Variants in EIF2AK3 observed in about 807,000 individuals in gnomAD.
EIF2AK3 encodes the protein eukaryotic translation initiation factor 2 alpha kinase 3.
A neutral mutation model predicts 113.5 loss-of-function variants in EIF2AK3; 50 were observed. The observed-to-expected ratio is 0.44, with a 90% CI of 0.35 to 0.56. The LOEUF is 0.56. Ranked by LOEUF, EIF2AK3 falls within the 20% of genes least tolerant of loss-of-function variation. EIF2AK3 has a pLI of 0.00. For missense variants in EIF2AK3, 1,185 were observed against 1,378.0 expected (o/e 0.86, Z 2.22); for synonymous variants, 448 against 495.4 (o/e 0.90, Z 1.27).
chr2:88,593,041 C>T (rs993565805), intron 4 of EIF2AK3, among the ~76,000 whole-genome samples: 2 of 152,030 alleles, frequency 1.3e-5, no homozygotes, highest in Non-Finnish European at 2.9e-5. Flanking sequence ...ACTCGGGAGG[C>T]AGAGGCAGGA....
chr2:88,563,357 GACC>G (rs1355408257), intron 14 of EIF2AK3, among the ~76,000 whole-genome samples: 3 of 152,266 alleles, frequency 2.0e-5, no homozygotes, highest in Non-Finnish European at 4.4e-5. Context: ...AAGCTTCAGT[GACC>G]ACATCAGTGG....
chr2:88,590,636 A>T, intron 5 of EIF2AK3, 31 bp from the exon 6 acceptor site: 1 of 1,608,368 alleles, frequency 6.2e-7, no homozygotes, highest in East Asian at 2.2e-5. Flanking sequence ...GGTCTTAAAT[A>T]ATTCAAGCAG....
intron 1 of EIF2AK3, among the ~76,000 whole-genome samples, chr2:88,614,675 A>G (rs1047949337): frequency 2.6e-5 from 4 of 152,098 alleles, no homozygotes; most frequent in Non-Finnish European, 5.9e-5. Context: ...CCTACAAGCC[A>G]CTGATACTAC....
At chr2:88,586,358 TATA>T (rs1674732567) in intron 8 of EIF2AK3, among the ~76,000 whole-genome samples, 1 of 152,126 alleles carries the variant, frequency 6.6e-6, no homozygotes, top group Non-Finnish European at 1.5e-5. Context: ...ATTCTTTAAA[TATA>T]AGAATTAATA....
chr2:88,590,409 G>A (rs757857799), intron 6 of EIF2AK3, 34 bp downstream of exon 6: 10 of 1,609,330 alleles, frequency 6.2e-6, no homozygotes, highest in Admixed American at 3.3e-5. Context: ...AGATGTCAAT[G>A]TGTACTATCG....
In EIF2AK3 at chr2:88,575,332, T is replaced by C; in HGVS notation, c.2151A>G (p.Gln717=). The C allele has an allele frequency of 6.2e-7, 1 of 1,614,184 alleles. No homozygotes were observed. Among genetic ancestry groups the C allele is most frequent in the Non-Finnish European group, 8.5e-7 (1 of 1,180,018 alleles). The change falls in exon 13 of 17, where the codon CAA becomes CAG. Residue 717 remains glutamine (Q), a synonymous_variant. Transcript: ENST00000303236. ...TCCCTACTGAAAAAGACCTGCTTCT[T>C]TGTGGTGAAGGAGCTATGATTTCAA... ...EHIEIIAPSP[Q]RSRSFSVGIS...
Position 88,579,636 on chromosome 2 carries a change from G to C in EIF2AK3, c.1768C>G (p.Leu590Val). The stretch of plus-strand genomic sequence containing the variant: ...CATTGAATTGGCTCAAAATCAGTTA[G>C]ATATCTTTAAAAAGAGATAAAATTT... Reference protein sequence around the residue: ...IKNSGYISRYLTDFEPIQCLG... With the variant: ...IKNSGYISRYVTDFEPIQCLG... Residue 590 changes from leucine (L) to valine (V), a missense_variant, in exon 11 of 17, where the codon CTA (leucine) becomes GTA (valine). Physicochemically the swap from Leu to Val is conservative, Grantham distance 32. This residue lies in a region of EIF2AK3 where 877 missense variants were observed against 1,024.2 expected (regional missense o/e 0.86). Coordinates refer to ENST00000303236, the MANE Select transcript of EIF2AK3 (RefSeq NM_004836.7). 6.2e-7 allele frequency: 1 copy of C among 1,613,168 alleles called. No homozygotes were observed. Among genetic ancestry groups the C allele is most frequent in the Non-Finnish European group, 8.5e-7 (1 of 1,179,476 alleles).
In EIF2AK3 at chr2:88,627,227, CA is replaced by C; in HGVS notation, c.47del (p.Leu16ArgfsTer55). 3 of 1,478,240 alleles carry C rather than the reference CA, an allele frequency of 2.0e-6. No individual in the cohort carries two copies. The highest frequency in any genetic ancestry group is 8.9e-7 in the Non-Finnish European group (1 of 1,120,894). 91.6% of individuals were successfully genotyped at this position (1,478,240 alleles called of 1,614,324 possible). ...SPGLLVRALL[L>X]LLLLLGLAAR... ...CCGCGAGCCCCAGCAGCAGCAGCAG[CA>C]GCAGCAGCGCCCGTACCAGCAGCCC... On this transcript the variant is annotated frameshift_variant, in exon 1 of 17. Coordinates refer to ENST00000303236, the MANE Select transcript of EIF2AK3 (RefSeq NM_004836.7). LOFTEE classifies it high-confidence loss of function.
intron 10 of EIF2AK3, among the ~76,000 whole-genome samples, chr2:88,580,145 GC>G (rs1013025013): frequency 6.6e-6 from 1 of 152,164 alleles, no homozygotes; most frequent in African/African-American, 2.4e-5. Flanking sequence ...GGGTTGGGTT[GC>G]CCCACGAGTC....
intron 1 of EIF2AK3, among the ~76,000 whole-genome samples, chr2:88,626,465 G>C (rs549511179): frequency 2.0e-5 from 3 of 152,326 alleles, no homozygotes; most frequent in Admixed American, 6.5e-5. Flanking sequence ...AGGTGATTCG[G>C]ATGCAGGTGT....
rs764890328 is a variant in EIF2AK3, at chr2:88,591,040, A to G, written c.780T>C (p.Ser260=). ...TATACCGAAGTTCAAAGTGGCCAAC[A>G]CTGAAATTCCACCTTAAATTTACAA... is the stretch of plus-strand genomic sequence containing the variant. ...PRSGNEKWNF[S]VGHFELRYIP... is the part of the protein sequence containing the mutation. The change falls in exon 5 of 17, where the codon AGT becomes AGC. Residue 260 remains serine (S), a synonymous_variant. Transcript: ENST00000303236. The G allele has an allele frequency of 1.9e-6, 3 of 1,614,046 alleles. No homozygotes were observed. The highest frequency in any genetic ancestry group is 2.2e-5 in the East Asian group (1 of 44,860).
intron 14 of EIF2AK3, among the ~76,000 whole-genome samples, chr2:88,568,713 A>G (rs576361763): frequency 1.5e-4 from 23 of 152,320 alleles, no homozygotes; most frequent in Non-Finnish European, 2.8e-4. Flanking sequence ...TAAAAAACAA[A>G]CTAATTTTAA....
intron 8 of EIF2AK3, among the ~76,000 whole-genome samples, chr2:88,586,786 T>G (rs1352778073): frequency 1.3e-5 from 2 of 150,286 alleles, no homozygotes; most frequent in Non-Finnish European, 3.0e-5. Flanking sequence ...AAGATGGGGT[T>G]TCACCATGTT....
chr2:88,617,706 A>G (rs542862458), intron 1 of EIF2AK3, among the ~76,000 whole-genome samples: 3 of 151,882 alleles, frequency 2.0e-5, no homozygotes, highest in South Asian at 4.2e-4. Flanking sequence ...GCAGTGAGCC[A>G]AGATCACGCC....
rs1164382835 is a variant in EIF2AK3 at position 88,562,130 on chromosome 2, T to C, written c.3087+159A>G. Among the ~76,000 whole-genome samples, 6 of 152,306 alleles carry C rather than the reference T, an allele frequency of 3.9e-5. No homozygotes were observed. The East Asian group carries it at 1.2e-3, about 29-fold the overall frequency. The stretch of plus-strand genomic sequence containing the variant: ...AGACTGAGCTTTAAATGGAAGCAAA[T>C]AGTCTAGAACTCCTCTCTGTGTTAC... On this transcript the variant is annotated intron_variant, in intron 15 of 16. Coordinates refer to ENST00000303236, the MANE Select transcript of EIF2AK3 (RefSeq NM_004836.7).
At chr2:88,568,302 A>G (rs1674196068) in intron 14 of EIF2AK3, among the ~76,000 whole-genome samples, 1 of 152,164 alleles carries the variant, frequency 6.6e-6, no homozygotes, top group Non-Finnish European at 1.5e-5. Context: ...GGCCAAGACT[A>G]TTTTCATAAT....
At chr2:88,568,404 C>A (rs1674198507) in intron 14 of EIF2AK3, among the ~76,000 whole-genome samples, 1 of 152,204 alleles carries the variant, frequency 6.6e-6, no homozygotes, top group Non-Finnish European at 1.5e-5. Context: ...GTACCAGTAG[C>A]AATTACATTC....
intron 2 of EIF2AK3, among the ~76,000 whole-genome samples, chr2:88,606,380 G>C (rs185761802): frequency 6.6e-6 from 1 of 151,978 alleles, no homozygotes; most frequent in Admixed American, 6.6e-5. Flanking sequence ...GGATAAATTA[G>C]CTTAGTTCAC....
intron 16 of EIF2AK3, among the ~76,000 whole-genome samples, chr2:88,558,355 C>CA (rs1017274911): frequency 6.6e-6 from 1 of 152,072 alleles, no homozygotes; most frequent in African/African-American, 2.4e-5. Flanking sequence ...ACAATTATCT[C>CA]AATAGAAATT....
Sources: gnomAD v4.1 joint callset for allele counts (sites outside exome capture counted in the v4.1 genomes callset) on GRCh38, gnomAD v4.1.1 for gene constraint, gnomAD v4.1.1 regional missense constraint, MANE v1.5 for transcripts, NCBI Gene and HGNC (gene_info 2026-07-23, HGNC 2026-07-21) for gene names.